Variants in GALNT13 observed in about 807,000 individuals in gnomAD.
GALNT13 encodes the protein UDP-GalNAc:polypeptide N-acetylgalactosaminyltransferase 13.
Under a neutral mutation model 64.2 loss-of-function variants are expected in GALNT13, and 28 were observed. The observed-to-expected ratio is 0.44, with a 90% CI of 0.32 to 0.60. The LOEUF is 0.60. Among genes scored for constraint, GALNT13 ranks in the 20% least tolerant of loss-of-function variants. GALNT13 has a pLI of 0.05. For synonymous variants in GALNT13, 214 were observed against 224.6 expected (o/e 0.95, Z 0.42); for missense variants, 577 against 669.8 (o/e 0.86, Z 1.53).
the GALNT13 span, among the ~76,000 whole-genome samples, chr2:153,169,878 T>C: frequency 1.6e-4 from 24 of 152,354 alleles, no homozygotes; most frequent in Non-Finnish European, 2.4e-4. Flanking sequence ...TGGGAGGGGC[T>C]GGTCCTTGAC....
At chr2:154,400,556 G>C (rs985443027) in intron 10 of GALNT13, among the ~76,000 whole-genome samples, 22 of 152,188 alleles carry the variant, frequency 1.4e-4, no homozygotes, top group African/African-American at 5.1e-4. Context: ...AAAGTCAATA[G>C]TTATTGATAT....
chr2:153,736,036 T>C, the GALNT13 span, among the ~76,000 whole-genome samples: 1 of 152,188 alleles, frequency 6.6e-6, no homozygotes, highest in African/African-American at 2.4e-5. Flanking sequence ...CAAACTTTCA[T>C]CTACTAATTC....
the GALNT13 span, among the ~76,000 whole-genome samples, chr2:153,142,920 C>A: frequency 6.6e-6 from 1 of 151,886 alleles, no homozygotes; most frequent in South Asian, 2.1e-4. Context: ...TGCAGTTTTG[C>A]AGGCTGTGGA....
the GALNT13 span, among the ~76,000 whole-genome samples, chr2:153,577,850 T>C: frequency 2.7e-5 from 4 of 150,814 alleles, no homozygotes; most frequent in Admixed American, 1.3e-4. Flanking sequence ...ATTCAATATA[T>C]GGATATTGAA....
At chr2:153,305,766 C>T in the GALNT13 span, among the ~76,000 whole-genome samples, 2 of 152,174 alleles carry the variant, frequency 1.3e-5, no homozygotes, top group Non-Finnish European at 2.9e-5. Context: ...TTCCGTTTAC[C>T]CCTTAGAGAG....
At chr2:153,952,446 A>G (rs557194834) in intron 3 of GALNT13, among the ~76,000 whole-genome samples, 2 of 152,296 alleles carry the variant, frequency 1.3e-5, no homozygotes, top group Admixed American at 1.3e-4. Flanking sequence ...ATAAGCCTAT[A>G]GTAAACCAGC....
rs114995598 is a variant in GALNT13 at position 153,891,818 on chromosome 2, A to G, written c.-176-9118A>G. Among the ~76,000 whole-genome samples, 825 of 150,482 alleles carry G rather than the reference A, an allele frequency of 5.5e-3. 5 individuals are homozygous for G. The highest frequency in any genetic ancestry group is 0.018 in the African/African-American group (750 of 40,798). ...GCATATCATTCAAGGTCCTTCTTAG[A>G]GATCTATTCCAAATGACCTTTTTTG... On this transcript the variant is annotated intron_variant, in intron 1 of 12. Transcript: ENST00000392825.
the GALNT13 span, among the ~76,000 whole-genome samples, chr2:153,121,798 T>C: frequency 6.6e-6 from 1 of 152,204 alleles, no homozygotes; most frequent in Non-Finnish European, 1.5e-5. Flanking sequence ...CCTCCCAAAG[T>C]GCTGGGATTA....
chr2:154,096,254 G>A (rs1702067336), intron 3 of GALNT13, among the ~76,000 whole-genome samples: 1 of 151,898 alleles, frequency 6.6e-6, no homozygotes, highest in African/African-American at 2.4e-5. Context: ...ACTGGTATTT[G>A]GTATTAGGTA....
the GALNT13 span, among the ~76,000 whole-genome samples, chr2:153,176,562 T>C: frequency 6.6e-6 from 1 of 152,036 alleles, no homozygotes; most frequent in Non-Finnish European, 1.5e-5. Flanking sequence ...AAAAAATTAG[T>C]GGACTCAAAG....
the GALNT13 span, among the ~76,000 whole-genome samples, chr2:153,207,096 T>C: frequency 6.6e-6 from 1 of 152,116 alleles, no homozygotes; most frequent in Non-Finnish European, 1.5e-5. Context: ...TTATAAATGT[T>C]TTGCATTTTG....
At chr2:153,582,602 T>G in the GALNT13 span, among the ~76,000 whole-genome samples, 1 of 152,268 alleles carries the variant, frequency 6.6e-6, no homozygotes, top group Non-Finnish European at 1.5e-5. Context: ...TTTTGCTTTC[T>G]ACCATTTTAA....
chr2:153,172,680 C>T, the GALNT13 span, among the ~76,000 whole-genome samples: 1 of 152,120 alleles, frequency 6.6e-6, no homozygotes, highest in Non-Finnish European at 1.5e-5. Flanking sequence ...TCATTAAGGG[C>T]TAGAAGAGTG....
At chr2:153,375,145 T>G in the GALNT13 span, among the ~76,000 whole-genome samples, 1 of 152,154 alleles carries the variant, frequency 6.6e-6, no homozygotes, top group African/African-American at 2.4e-5. Flanking sequence ...CCATGTTTAC[T>G]TTTACTACTT....
chr2:154,163,294 A>G (rs1684843996), intron 4 of GALNT13, among the ~76,000 whole-genome samples: 1 of 151,910 alleles, frequency 6.6e-6, no homozygotes, highest in African/African-American at 2.4e-5. Flanking sequence ...CAAAAAATCA[A>G]TGAATCCAGG....
At chr2:153,491,289 G>A in the GALNT13 span, among the ~76,000 whole-genome samples, 2 of 151,942 alleles carry the variant, frequency 1.3e-5, no homozygotes, top group African/African-American at 2.4e-5. Flanking sequence ...AAAATGTGAA[G>A]CTTCACAAAG....
the GALNT13 span, among the ~76,000 whole-genome samples, chr2:153,180,113 A>C: frequency 2.6e-4 from 40 of 152,230 alleles, no homozygotes; most frequent in African/African-American, 8.9e-4. Context: ...TCTGGATCTT[A>C]GGGAAAAGGG....
At chr2:153,146,478 A>G in the GALNT13 span, among the ~76,000 whole-genome samples, 1 of 152,038 alleles carries the variant, frequency 6.6e-6, no homozygotes, top group South Asian at 2.1e-4. Flanking sequence ...CCCAAAATAA[A>G]GAAACTCTAA....
At chr2:153,152,905 T>A in the GALNT13 span, among the ~76,000 whole-genome samples, 3 of 152,190 alleles carry the variant, frequency 2.0e-5, no homozygotes, top group African/African-American at 7.2e-5. Context: ...AAGATTTATA[T>A]TCCTTTAGGT....
Sources: gnomAD v4.1 joint callset for allele counts (sites outside exome capture counted in the v4.1 genomes callset) on GRCh38, gnomAD v4.1.1 for gene constraint, MANE v1.5 for transcripts, NCBI Gene and HGNC (gene_info 2026-07-23, HGNC 2026-07-21) for gene names.